The following RPS6KC1 variants were observed in gnomAD, a reference collection of about 807,000 sequenced individuals.
RPS6KC1 encodes the protein ribosomal protein S6 kinase C1.
In RPS6KC1, 54 loss-of-function variants were observed where a neutral mutation model predicts 103.8. That is an observed-to-expected ratio of 0.52 (90% CI 0.42 to 0.65). The LOEUF is 0.65. RPS6KC1 is among the 30% of genes least tolerant of loss of function. The probability of loss-of-function intolerance (pLI) is 0.00; values close to 1 mark genes in which losing one functional copy is unlikely to be tolerated. For missense variants in RPS6KC1, 1,151 were observed against 1,253.8 expected (o/e 0.92, Z 1.24); for synonymous variants, 439 against 438.7 (o/e 1.00, Z -0.01).
chr1:213,604,570 C>A, the RPS6KC1 span, among the ~76,000 whole-genome samples: 15 of 152,342 alleles, frequency 9.8e-5, no homozygotes, highest in Admixed American at 9.1e-4. Context: ...TGGTTTCCTG[C>A]TCAGAGCCTC....
chr1:213,522,998 A>G, the RPS6KC1 span, among the ~76,000 whole-genome samples: 1 of 152,230 alleles, frequency 6.6e-6, no homozygotes, highest in Non-Finnish European at 1.5e-5. Flanking sequence ...AGTCTAGCTC[A>G]GCTTTTGACA....
At chr1:213,398,413 G>T in the RPS6KC1 span, among the ~76,000 whole-genome samples, 1,635 of 151,942 alleles carry the variant, frequency 0.011, 35 homozygotes, top group African/African-American at 0.038. Flanking sequence ...ATTTTTTATA[G>T]TAACCTGCCA....
the RPS6KC1 span, among the ~76,000 whole-genome samples, chr1:213,740,553 A>T: frequency 0.029 from 4,483 of 152,042 alleles, 207 homozygotes; most frequent in African/African-American, 0.1. Flanking sequence ...TTCACATCTA[A>T]TAGAGACCAG....
the RPS6KC1 span, among the ~76,000 whole-genome samples, chr1:213,364,389 A>C: frequency 6.6e-6 from 1 of 152,218 alleles, no homozygotes; most frequent in Non-Finnish European, 1.5e-5. Flanking sequence ...AACTGATACA[A>C]AGTTTTCTTC....
the RPS6KC1 span, among the ~76,000 whole-genome samples, chr1:213,383,630 G>C: frequency 6.6e-6 from 1 of 152,062 alleles, no homozygotes; most frequent in Admixed American, 6.5e-5. Context: ...TTTGGAGACC[G>C]GGCCTCTAAG....
the RPS6KC1 span, among the ~76,000 whole-genome samples, chr1:213,343,967 TA>T: frequency 6.6e-6 from 1 of 152,214 alleles, no homozygotes; most frequent in African/African-American, 2.4e-5. Context: ...CCAAGGTTTC[TA>T]TACCTAGACA....
At chr1:213,209,173 C>T (rs1402403567) in intron 8 of RPS6KC1, among the ~76,000 whole-genome samples, 2 of 152,090 alleles carry the variant, frequency 1.3e-5, no homozygotes, top group African/African-American at 2.4e-5. Context: ...TCCTTTTCTT[C>T]CACAATTTCT....
At chr1:213,542,808 A>G in the RPS6KC1 span, among the ~76,000 whole-genome samples, 1 of 152,244 alleles carries the variant, frequency 6.6e-6, no homozygotes, top group Admixed American at 6.5e-5. Flanking sequence ...GCTATTTACT[A>G]GGTAATACAT....
chr1:213,413,147 A>G, the RPS6KC1 span, among the ~76,000 whole-genome samples: 1 of 152,232 alleles, frequency 6.6e-6, no homozygotes, highest in Non-Finnish European at 1.5e-5. Flanking sequence ...TAATGGATGC[A>G]TAGTTATACA....
chr1:213,665,874 T>G, the RPS6KC1 span, among the ~76,000 whole-genome samples: 1 of 152,216 alleles, frequency 6.6e-6, no homozygotes, highest in South Asian at 2.1e-4. Context: ...AAGACTGGTA[T>G]GTACCATCAT....
chr1:213,845,910 T>C, the RPS6KC1 span, among the ~76,000 whole-genome samples: 2 of 152,104 alleles, frequency 1.3e-5, no homozygotes, highest in African/African-American at 2.4e-5. Flanking sequence ...CTGGATCCTA[T>C]GCCTTTAGGG....
intron 9 of RPS6KC1, among the ~76,000 whole-genome samples, chr1:213,231,232 C>T (rs1014058324): frequency 1.3e-5 from 2 of 152,212 alleles, no homozygotes; most frequent in African/African-American, 4.8e-5. Flanking sequence ...ATTATCACTA[C>T]AGTTCTTAAG....
At chr1:213,301,702 T>TTAC in the RPS6KC1 span, among the ~76,000 whole-genome samples, 4,693 of 58,922 alleles carry the variant, frequency 0.08, 91 homozygotes, top group Admixed American at 0.1. Flanking sequence ...CATTTACTTA[T>TTAC]TTATTTATTT....
At chr1:213,744,431 G>A in the RPS6KC1 span, among the ~76,000 whole-genome samples, 1 of 152,228 alleles carries the variant, frequency 6.6e-6, no homozygotes, top group African/African-American at 2.4e-5. Context: ...TGCAAAGGCA[G>A]CTTCAAAATG....
In RPS6KC1 at chr1:213,262,516, G is replaced by A. The variant is rs531226293; in HGVS notation, c.2995-205G>A. Reference sequence around the variant, plus strand: ...GGACAGTAGCATAAGCTTATGATGTGATCATGGTGATTGTCTTCATTTCAG... The same window carrying A: ...GGACAGTAGCATAAGCTTATGATGTAATCATGGTGATTGTCTTCATTTCAG... On this transcript the variant is annotated intron_variant, in intron 13 of 14. Coordinates refer to ENST00000366960, the MANE Select transcript of RPS6KC1 (RefSeq NM_012424.6). Among the ~76,000 whole-genome samples, 4 of 152,282 alleles carry A rather than the reference G, an allele frequency of 2.6e-5. No individual in the cohort carries two copies. In the East Asian group the frequency reaches 7.7e-4, roughly 29 times the overall value.
the RPS6KC1 span, among the ~76,000 whole-genome samples, chr1:213,612,210 A>G: frequency 2.6e-5 from 4 of 152,184 alleles, no homozygotes; most frequent in Non-Finnish European, 5.9e-5. Context: ...GTGTTTAACA[A>G]GCCTTTCAAG....
chr1:213,536,333 C>T, the RPS6KC1 span, among the ~76,000 whole-genome samples: 3 of 152,154 alleles, frequency 2.0e-5, no homozygotes, highest in Admixed American at 6.5e-5. Context: ...CAGTGTTATT[C>T]TAGGCACTGG....
chr1:213,676,746 C>G, the RPS6KC1 span, among the ~76,000 whole-genome samples: 1 of 152,220 alleles, frequency 6.6e-6, no homozygotes, highest in Non-Finnish European at 1.5e-5. Context: ...CTTCTCCAAC[C>G]AGACTTCTTT....
intron 6 of RPS6KC1, among the ~76,000 whole-genome samples, chr1:213,162,115 G>A (rs890319087): frequency 9.9e-5 from 15 of 151,726 alleles, no homozygotes; most frequent in Admixed American, 3.3e-4. Flanking sequence ...TTTCTTTTTC[G>A]TTTGGTGTCT....
Sources: gnomAD v4.1 joint callset for allele counts (sites outside exome capture counted in the v4.1 genomes callset) on GRCh38, gnomAD v4.1.1 for gene constraint, MANE v1.5 for transcripts, NCBI Gene and HGNC (gene_info 2026-07-23, HGNC 2026-07-21) for gene names.